OR3A2: variants seen among roughly 807,000 people sequenced by gnomAD.
OR3A2 encodes the protein olfactory receptor 3A2.
For synonymous variants in OR3A2, 126 were observed against 159.3 expected (o/e 0.79, Z 1.57); for missense variants, 318 against 392.8 (o/e 0.81, Z 1.61).
At chr17:3,305,837 T>C (rs1016631579) in intron 3 of OR3A2, among the ~76,000 whole-genome samples, 1 of 152,230 alleles carries the variant, frequency 6.6e-6, no homozygotes, top group Non-Finnish European at 1.5e-5. Context: ...TGCATAGGAA[T>C]AGTGATTAGG....
intron 2 of OR3A2, among the ~76,000 whole-genome samples, chr17:3,343,781 T>C (rs1396325833): frequency 6.6e-6 from 1 of 152,078 alleles, no homozygotes; most frequent in Non-Finnish European, 1.5e-5. Context: ...TTAACAGTAG[T>C]CTAGTTTTCA....
chr17:3,377,516 A>C (rs900799840), intron 2 of OR3A2: 2 of 152,104 alleles, frequency 1.3e-5, no homozygotes, highest in Non-Finnish European at 2.9e-5. Flanking sequence ...TGGCCCTGAG[A>C]TTTATCCCCG....
chr17:3,344,672 C>G (rs1336298250), intron 2 of OR3A2, among the ~76,000 whole-genome samples: 1 of 152,150 alleles, frequency 6.6e-6, no homozygotes, highest in East Asian at 1.9e-4. Context: ...AACCACACTC[C>G]AATATCACTT....
At chr17:3,384,782 C>T (rs981275209) in intron 1 of OR3A2, among the ~76,000 whole-genome samples, 2 of 152,052 alleles carry the variant, frequency 1.3e-5, no homozygotes, top group African/African-American at 4.8e-5. Flanking sequence ...TGTGGCCATT[C>T]ATTTACTTTT....
chr17:3,348,464 A>C (rs969771811), intron 2 of OR3A2, among the ~76,000 whole-genome samples: 22 of 152,266 alleles, frequency 1.4e-4, no homozygotes, highest in African/African-American at 5.1e-4. Flanking sequence ...ATGAAGCGAG[A>C]AGGGAAGTTT....
intron 2 of OR3A2, among the ~76,000 whole-genome samples, chr17:3,367,071 T>C (rs1209893995): frequency 6.6e-6 from 1 of 152,172 alleles, no homozygotes; most frequent in Non-Finnish European, 1.5e-5. Flanking sequence ...GATAAGGCTC[T>C]AGGAAATATG....
chr17:3,279,190 T>C, intron 1 of OR3A2, 37 bp from the exon 4 acceptor site: 1 of 559,396 alleles, frequency 1.8e-6, no homozygotes, highest in Non-Finnish European at 3.1e-6. Context: ...ATAAAGTGTA[T>C]TGCATTCAGG....
intron 2 of OR3A2, among the ~76,000 whole-genome samples, chr17:3,354,642 TTC>T (rs1043376529): frequency 2.0e-5 from 3 of 151,424 alleles, no homozygotes; most frequent in Non-Finnish European, 4.4e-5. Flanking sequence ...TTATTTGGTC[TTC>T]TCTCTTTTTT....
At chr17:3,352,041 A>C (rs1016145620) in intron 2 of OR3A2, among the ~76,000 whole-genome samples, 1 of 152,002 alleles carries the variant, frequency 6.6e-6, no homozygotes, top group Non-Finnish European at 1.5e-5. Flanking sequence ...TTCAAGATGG[A>C]TTGTATGTCT....
chr17:3,321,529 C>T (rs1374075844), intron 3 of OR3A2, among the ~76,000 whole-genome samples: 2 of 151,954 alleles, frequency 1.3e-5, no homozygotes, highest in Non-Finnish European at 2.9e-5. Context: ...TCATAGATAG[C>T]TCTTATTATT....
At chr17:3,288,246 C>CAAAAAAAAAAAAAAAAAAAAAAA, upstream of OR3A2, among the ~76,000 whole-genome samples, 1 of 73,484 alleles carries the variant, frequency 1.4e-5, no homozygotes, top group African/African-American at 4.5e-5. Context: ...ACCAAAAGGG[C>CAAAAAAAAAAAAAAAAAAAAAAA]AAAAAAAAAA....
intron 2 of OR3A2, among the ~76,000 whole-genome samples, chr17:3,339,175 G>A (rs1410145081): frequency 1.3e-5 from 2 of 152,192 alleles, no homozygotes; most frequent in East Asian, 1.9e-4. Flanking sequence ...GGGCTGAGAT[G>A]AAGGGGTTTT....
At chr17:3,359,693 A>C (rs1195621577) in intron 2 of OR3A2, among the ~76,000 whole-genome samples, 1 of 151,378 alleles carries the variant, frequency 6.6e-6, no homozygotes, top group Non-Finnish European at 1.5e-5. Flanking sequence ...CTTTCTCTCT[A>C]GTTTGCTGAG....
At chr17:3,360,780 T>TCTGTTTTGGTACTAGTACCATG (rs1161969436) in intron 2 of OR3A2, among the ~76,000 whole-genome samples, 3 of 151,682 alleles carry the variant, frequency 2.0e-5, no homozygotes, top group African/African-American at 7.3e-5. Context: ...GGTCTATATC[T>TCTGTTTTGGTACTAGTACCATG]CTGTTTTGGT....
chr17:3,383,164 G>A (rs2049752790), intron 2 of OR3A2, among the ~76,000 whole-genome samples: 1 of 152,212 alleles, frequency 6.6e-6, no homozygotes, highest in South Asian at 2.1e-4. Context: ...TATGTGAAAA[G>A]CTGCAGAGAA....
chr17:3,299,978 C>T (rs1199819490), intron 3 of OR3A2, among the ~76,000 whole-genome samples: 1 of 151,902 alleles, frequency 6.6e-6, no homozygotes, highest in Non-Finnish European at 1.5e-5. Context: ...AACTCTTTGA[C>T]ATGGCTTTGT....
chr17:3,338,929 C>G (rs748779792), intron 2 of OR3A2, among the ~76,000 whole-genome samples: 1 of 152,044 alleles, frequency 6.6e-6, no homozygotes, highest in East Asian at 1.9e-4. Context: ...TGCTTCTGTC[C>G]TCTTTTATTT....
chr17:3,318,774 G>A (rs2049096263), intron 3 of OR3A2, among the ~76,000 whole-genome samples: 2 of 152,218 alleles, frequency 1.3e-5, no homozygotes, highest in South Asian at 4.1e-4. Flanking sequence ...CCACATGTAT[G>A]TGTATATTTT....
chr17:3,325,776 C>T (rs150910617), intron 3 of OR3A2, among the ~76,000 whole-genome samples: 1 of 152,008 alleles, frequency 6.6e-6, no homozygotes, highest in Non-Finnish European at 1.5e-5. Flanking sequence ...ATCTTTACTA[C>T]TTTTTCTCTC....
Sources: gnomAD v4.1 joint callset for allele counts (sites outside exome capture counted in the v4.1 genomes callset) on GRCh38, gnomAD v4.1.1 for gene constraint, MANE v1.5 for transcripts, NCBI Gene and HGNC (gene_info 2026-07-23, HGNC 2026-07-21) for gene names.